FRMD3: variants seen among roughly 807,000 people sequenced by gnomAD.
FRMD3 encodes FERM domain containing 3, also known as FERM domain-containing protein 3.
In FRMD3, 33 loss-of-function variants were observed where a neutral mutation model predicts 70.2. That is an observed-to-expected ratio of 0.47 (90% CI 0.36 to 0.63). FRMD3 has a LOEUF of 0.63. Among genes scored for constraint, FRMD3 ranks in the 20% least tolerant of loss-of-function variants. The pLI is 0.00. For synonymous variants in FRMD3, 279 were observed against 255.9 expected (o/e 1.09, Z -0.86); for missense variants, 632 against 711.4 (o/e 0.89, Z 1.27).
intron 1 of FRMD3, among the ~76,000 whole-genome samples, chr9:83,522,301 A>G (rs1829587114): frequency 6.6e-6 from 1 of 152,134 alleles, no homozygotes; most frequent in South Asian, 2.1e-4. Flanking sequence ...ACACTTAAAA[A>G]TGGCTAACAT....
At position 83,381,234 on chromosome 9, in the gene FRMD3, A is replaced by C. The variant is rs573024569; in HGVS notation, c.253-8279T>G. On this transcript the variant is annotated intron_variant, in intron 2 of 13. Transcript: ENST00000304195. ...ACCTGTAGATCACGAACGCTCAAAA[A>C]TGTTTTTCCATTTGGAAATCAATCT... 1.3e-4 allele frequency among the ~76,000 whole-genome samples: 20 copies of C among 152,330 alleles called. No homozygotes were observed. In the East Asian group the frequency reaches 3.9e-3, roughly 29 times the overall value.
intron 1 of FRMD3, among the ~76,000 whole-genome samples, chr9:83,471,887 G>A (rs527486841): frequency 4.3e-4 from 66 of 152,304 alleles, no homozygotes; most frequent in Admixed American, 7.8e-4. Context: ...CCAGCTCTGG[G>A]CCTGTCATTT....
chr9:83,401,499 A>T (rs939855116), intron 1 of FRMD3, among the ~76,000 whole-genome samples: 2 of 152,170 alleles, frequency 1.3e-5, no homozygotes, highest in Non-Finnish European at 2.9e-5. Flanking sequence ...TGGAGCCAAG[A>T]TATATCAGTC....
intron 1 of FRMD3, among the ~76,000 whole-genome samples, chr9:83,395,044 A>G (rs74948054): frequency 0.16 from 24,000 of 152,152 alleles, 2,029 homozygotes; most frequent in East Asian, 0.31. Context: ...ATAAATAAGC[A>G]AAGAGTGAAA....
rs1210163447 is a variant in FRMD3, at chr9:83,334,054, T to A, written c.596+1462A>T. The stretch of plus-strand genomic sequence containing the variant: ...GCAAATTCAGGGCATAGAAAACCTT[T>A]CCATTCCCATCTCCTATCAATTCAA... On this transcript the variant is annotated intron_variant, in intron 6 of 13. Coordinates refer to ENST00000304195, the MANE Select transcript of FRMD3 (RefSeq NM_174938.6). Among the ~76,000 whole-genome samples the A allele has an allele frequency of 3.3e-5, 5 of 152,186 alleles. No individual in the cohort carries two copies. The East Asian group carries it at 9.7e-4, about 29-fold the overall frequency.
chr9:83,553,287 T>C, the FRMD3 span, among the ~76,000 whole-genome samples: 3 of 152,352 alleles, frequency 2.0e-5, no homozygotes, highest in East Asian at 5.8e-4. Context: ...TTTAAGAATG[T>C]TGAATATAGA....
intron 6 of FRMD3, 100 bp from the exon 7 acceptor site, chr9:83,313,847 G>T: frequency 1.2e-6 from 1 of 866,814 alleles, no homozygotes; most frequent in East Asian, 2.5e-5. Context: ...GCTAAATAAA[G>T]AGAAAAACCC....
chr9:83,253,699 C>T (rs1832538393), intron 13 of FRMD3, among the ~76,000 whole-genome samples: 2 of 152,340 alleles, frequency 1.3e-5, no homozygotes, highest in Admixed American at 6.5e-5. Flanking sequence ...TTGTGGAAGA[C>T]AGTGTGGCAA....
At chr9:83,522,378 G>A (rs1265747396) in intron 1 of FRMD3, among the ~76,000 whole-genome samples, 1 of 152,074 alleles carries the variant, frequency 6.6e-6, no homozygotes, top group Non-Finnish European at 1.5e-5. Context: ...GGGGCGTAGA[G>A]AAGCCTTCAG....
the FRMD3 span, among the ~76,000 whole-genome samples, chr9:83,573,290 A>G: frequency 6.6e-6 from 1 of 151,982 alleles, no homozygotes; most frequent in East Asian, 1.9e-4. Context: ...AGGAGAAATT[A>G]TAGTTTTCTT....
chr9:83,448,542 T>C (rs1827547731), intron 1 of FRMD3, among the ~76,000 whole-genome samples: 1 of 152,016 alleles, frequency 6.6e-6, no homozygotes, highest in Non-Finnish European at 1.5e-5. Context: ...CTTCCAGGGG[T>C]GGCCAATACA....
chr9:83,514,526 G>C (rs1276899438), intron 1 of FRMD3, among the ~76,000 whole-genome samples: 2 of 152,218 alleles, frequency 1.3e-5, no homozygotes, highest in Admixed American at 1.3e-4. Context: ...AGGGGTGGTT[G>C]TGGGCGCAGC....
intron 2 of FRMD3, among the ~76,000 whole-genome samples, chr9:83,374,841 A>C (rs561055754): frequency 6.6e-6 from 1 of 152,222 alleles, no homozygotes; most frequent in Non-Finnish European, 1.5e-5. Context: ...CTGGTGGTTA[A>C]ATTACTTTTC....
chr9:83,268,972 C>T (rs527365885), intron 13 of FRMD3, among the ~76,000 whole-genome samples: 32 of 152,314 alleles, frequency 2.1e-4, no homozygotes, highest in East Asian at 5.8e-4. Flanking sequence ...GATAGACTGA[C>T]GCAAAGGTGG....
At chr9:83,379,862 C>G (rs1230260149) in intron 2 of FRMD3, among the ~76,000 whole-genome samples, 2 of 152,136 alleles carry the variant, frequency 1.3e-5, no homozygotes, top group African/African-American at 4.8e-5. Context: ...TAAGGCATGG[C>G]CTACACTGAT....
At chr9:83,544,228 C>A in the FRMD3 span, among the ~76,000 whole-genome samples, 3 of 146,592 alleles carry the variant, frequency 2.0e-5, no homozygotes, top group African/African-American at 7.5e-5. Context: ...GAGTCATGAG[C>A]CCTGGGACAG....
At chr9:83,398,383 T>C (rs1280131771) in intron 1 of FRMD3, among the ~76,000 whole-genome samples, 1 of 152,214 alleles carries the variant, frequency 6.6e-6, no homozygotes, top group Non-Finnish European at 1.5e-5. Context: ...ATATTAAAGC[T>C]ATTTAAATGG....
At chr9:83,430,872 C>T (rs1826955869) in intron 1 of FRMD3, among the ~76,000 whole-genome samples, 2 of 152,236 alleles carry the variant, frequency 1.3e-5, no homozygotes, top group South Asian at 4.1e-4. Flanking sequence ...AAACAGCTGT[C>T]CCTGTGGCCA....
the FRMD3 span, among the ~76,000 whole-genome samples, chr9:83,557,126 A>C: frequency 6.6e-6 from 1 of 152,200 alleles, no homozygotes; most frequent in Admixed American, 6.5e-5. Context: ...AATAAGAAAA[A>C]GAGTTTGAAT....
Sources: allele counts gnomAD v4.1 joint callset (sites outside exome capture counted in the v4.1 genomes callset), GRCh38; gene constraint gnomAD v4.1.1; transcripts MANE v1.5; gene names NCBI Gene and HGNC (gene_info 2026-07-23, HGNC 2026-07-21).